The following OBSL1 variants were observed in gnomAD, a reference collection of about 807,000 sequenced individuals.
The protein encoded by OBSL1 is obscurin-like protein 1.
A neutral mutation model predicts 172.0 loss-of-function variants in OBSL1; 160 were observed. The ratio of observed to expected loss-of-function variants is 0.93; its 90% CI spans 0.82 to 1.06. The LOEUF is 1.06. Among genes scored for constraint, OBSL1 ranks in the 50% least tolerant of loss-of-function variants. OBSL1 has a pLI of 0.00. For synonymous variants in OBSL1, 1,200 were observed against 1,196.3 expected (o/e 1.00, Z -0.06); for missense variants, 2,681 against 2,715.4 (o/e 0.99, Z 0.28).
downstream of OBSL1, chr2:219,547,838 T>G: frequency 1.3e-6 from 2 of 1,587,896 alleles, no homozygotes; most frequent in Non-Finnish European, 1.7e-6. Flanking sequence ...CACTCTGCGC[T>G]GGCCCCGCCC....
rs774093118 is a variant in OBSL1, at chr2:219,550,826, T to C, written c.*9A>G. 3 of 1,611,494 alleles carry C rather than the reference T, an allele frequency of 1.9e-6. No individual in the cohort carries two copies. In the African/African-American group the frequency reaches 4.0e-5, roughly 22 times the overall value. ...TCCAAGGGCACCCGCCTGGCCTGGT[T>C]AGGTTCTCCTAGTTGCCTGCAGAGG... On this transcript the variant is annotated 3_prime_UTR_variant, in exon 21 of 21. Transcript: ENST00000404537.
rs113717000 is a variant in OBSL1, at chr2:219,570,528, C to A, written c.705G>T (p.Ala235=). The A allele has an allele frequency of 1.7e-5, 28 of 1,608,324 alleles. 1 individual carries two copies. Among genetic ancestry groups the A allele is most frequent in the Middle Eastern group, 1.7e-4 (1 of 6,026 alleles). The change falls in exon 1 of 21, where the codon GCG becomes GCT. Residue 235 remains alanine (A), a synonymous_variant. Transcript: ENST00000404537. ...QVHQPPESPP[A]DPDEAPAPVV... ...CCGGCGCGGGGGCCTCGTCGGGGTCCGCGGGCGGGCTCTCGGGGGGCTGGT... is the reference window on the plus strand; with the variant it reads ...CCGGCGCGGGGGCCTCGTCGGGGTCAGCGGGCGGGCTCTCGGGGGGCTGGT...
rs556446898 is a variant in OBSL1, at chr2:219,552,481, G to A, written c.5308+55C>T. On this transcript the variant is annotated intron_variant, in intron 18 of 20. Transcript: ENST00000404537. Reference sequence around the variant, plus strand: ...GGCTTGTCCCGGTGGGGCGGGATCTGTTCGAGCCTGGGCGGGGCAGCGAGG... The same window carrying A: ...GGCTTGTCCCGGTGGGGCGGGATCTATTCGAGCCTGGGCGGGGCAGCGAGG... 1.3e-5 allele frequency: 19 copies of A among 1,518,688 alleles called. No individual in the cohort carries two copies. The South Asian group carries it at 2.2e-4, about 18-fold the overall frequency. The allele number at this position is 1,518,688 out of a possible 1,614,324, so 94.1% of individuals were successfully genotyped here.
Position 219,552,208 on chromosome 2 carries a change from G to C in OBSL1, c.5317C>G (p.His1773Asp). 1.2e-6 allele frequency: 2 copies of C among 1,604,398 alleles called. No homozygotes were observed. Among genetic ancestry groups the C allele is most frequent in the South Asian group, 2.2e-5 (2 of 89,396 alleles). ...CGCAGCTCGCTAAGCACCAGAATGT[G>C]TTTCTTCCCTGGGGGTGAGGGGGTC... ...RVRIRQEGKK[H>D]ILVLSELRAE... Residue 1773 changes from histidine (H) to aspartate (D), a missense_variant, in exon 19 of 21, where the codon CAC (histidine) becomes GAC (aspartate). By Grantham distance (81) the His-to-Asp change is moderately conservative (BLOSUM62 -1). Coordinates refer to ENST00000404537, the MANE Select transcript of OBSL1 (RefSeq NM_015311.3).
chr2:219,556,878 A>G, intron 12 of OBSL1, 155 bp from the exon 13 acceptor site: 1 of 782,408 alleles, frequency 1.3e-6, no homozygotes, highest in Non-Finnish European at 2.0e-6. Flanking sequence ...CCAAAGGACA[A>G]GATGCCAGCT....
chr2:219,551,207 G>A, intron 20 of OBSL1: 1 of 1,386,096 alleles, frequency 7.2e-7, no homozygotes, highest in African/African-American at 1.4e-5. Context: ...TGTTGGTGAA[G>A]TGGGGAGGAA....
At chr2:219,551,277 AG>A (rs1341872925) in intron 20 of OBSL1, 1 of 1,404,190 alleles carries the variant, frequency 7.1e-7, no homozygotes, top group African/African-American at 1.4e-5. Context: ...GGCAGGAGAG[AG>A]GAGAAGCCTG....
At position 219,557,516 on chromosome 2, in the gene OBSL1, C is replaced by T; in HGVS notation, c.3893G>A (p.Gly1298Asp). 1 of 1,552,290 alleles carries T rather than the reference C, an allele frequency of 6.4e-7. No homozygotes were observed. Among genetic ancestry groups the T allele is most frequent in the Middle Eastern group, 1.7e-4 (1 of 5,994 alleles). Residue 1298 changes from glycine to aspartate, a missense_variant, in exon 12 of 21, where the codon GGC (glycine) becomes GAC (aspartate). This residue lies in a region of OBSL1 where 1,765 missense variants were observed against 1,748.3 expected (regional missense o/e 1.01). Coordinates refer to ENST00000404537, the MANE Select transcript of OBSL1 (RefSeq NM_015311.3). ...CCCGTCCTTGTACCAGCGTACAGGGCCCCCTGGCCCGGAGAGGTGCACCAC... is the reference window on the plus strand; with the variant it reads ...CCCGTCCTTGTACCAGCGTACAGGGTCCCCTGGCCCGGAGAGGTGCACCAC... ...ELVVHLSGPG[G>D]PVRWYKDGER...
At chr2:219,549,886 C>T (rs752900845), downstream of OBSL1, 26 of 1,594,444 alleles carry the variant, frequency 1.6e-5, no homozygotes, top group Non-Finnish European at 2.1e-5. Context: ...CTGCAGTCAC[C>T]AGCTCTGCCA....
intron 6 of OBSL1, 137 bp from the exon 7 acceptor site, chr2:219,563,764 G>T: frequency 1.1e-6 from 1 of 938,206 alleles, no homozygotes; most frequent in Non-Finnish European, 1.6e-6. Context: ...AGGGACTCAG[G>T]GACAATGACA....
intron 14 of OBSL1, 42 bp from the exon 15 acceptor site, chr2:219,554,782 C>T: frequency 6.6e-7 from 1 of 1,507,014 alleles, no homozygotes; most frequent in African/African-American, 1.4e-5. Context: ...AGGCCTCCAG[C>T]TCTGGGCAGG....
downstream of OBSL1, chr2:219,550,025 A>G: frequency 1.1e-6 from 1 of 901,560 alleles, no homozygotes; most frequent in Non-Finnish European, 1.6e-6. Flanking sequence ...CTGAGAGGAA[A>G]GCCCCCTCCC....
rs1166856075 is a variant in OBSL1, at chr2:219,557,653, G to C, written c.3791-35C>G. On this transcript the variant is annotated intron_variant, in intron 11 of 20. Transcript: ENST00000404537. ...CAGAGCTGGAGGTCACTGGGAGGGA[G>C]AGGCTCAGGGCTTTGAGGAGGGCAC... 4.0e-6 allele frequency: 6 copies of C among 1,511,286 alleles called. 1 individual carries two copies. The South Asian group carries it at 5.1e-5, about 13-fold the overall frequency. The allele number at this position is 1,511,286 out of a possible 1,614,324, so 93.6% of individuals were successfully genotyped here.
intron 14 of OBSL1, 87 bp from the exon 15 acceptor site, chr2:219,554,827 A>G (rs1000045071): frequency 7.9e-6 from 11 of 1,400,494 alleles, no homozygotes; most frequent in African/African-American, 1.4e-5. Context: ...GGCCCTGCCT[A>G]CACCCCTGAA....
intron 9 of OBSL1, among the ~76,000 whole-genome samples, chr2:219,558,924 G>A (rs989880289): frequency 6.6e-6 from 1 of 152,196 alleles, no homozygotes; most frequent in African/African-American, 2.4e-5. Context: ...AAGACAAGAG[G>A]TTTAGTCTTA....
At chr2:219,551,970 C>T in intron 19 of OBSL1, 142 bp downstream of exon 19, 1 of 965,750 alleles carries the variant, frequency 1.0e-6, no homozygotes, top group Non-Finnish European at 1.6e-6. Flanking sequence ...AACGCGCTGC[C>T]CTCTGTGACC....
intron 9 of OBSL1, 75 bp downstream of exon 9, chr2:219,559,150 G>T: frequency 7.2e-7 from 1 of 1,389,312 alleles, no homozygotes; most frequent in Non-Finnish European, 9.9e-7. Flanking sequence ...GGGTGGGGGA[G>T]GTGGGGCTAG....
chr2:219,562,277 C>T lies in OBSL1; in HGVS notation c.2953+125G>A. 3.2e-6 allele frequency: 4 copies of T among 1,238,490 alleles called. No homozygotes were observed. The East Asian group carries it at 7.1e-5, about 22-fold the overall frequency. The allele number at this position is 1,238,490 out of a possible 1,614,324, so 76.7% of individuals were successfully genotyped here. A position where few individuals can be genotyped will look rare whatever the true frequency, so the allele number is the denominator to read the frequency against. On this transcript the variant is annotated intron_variant, in intron 8 of 20. Transcript: ENST00000404537. ...GCCCTGGGCTCATCTCAGCAAGAAC[C>T]CTGGCACATGCACCTGCAGCCCACA...
chr2:219,547,281 A>G (rs1695408367), downstream of OBSL1: 1 of 431,426 alleles, frequency 2.3e-6, no homozygotes, highest in Non-Finnish European at 4.1e-6. Context: ...CTCAATGGTT[A>G]TGTTTGCCTT....
Sources: gnomAD v4.1 joint callset for allele counts (sites outside exome capture counted in the v4.1 genomes callset) on GRCh38, gnomAD v4.1.1 for gene constraint, gnomAD v4.1.1 regional missense constraint, MANE v1.5 for transcripts, NCBI Gene and HGNC (gene_info 2026-07-23, HGNC 2026-07-21) for gene names.